AGPAT3: variants seen among roughly 807,000 people sequenced by gnomAD.
The protein encoded by AGPAT3 is 1-acyl-sn-glycerol-3-phosphate acyltransferase gamma.
AGPAT3 carries 5 observed loss-of-function variants against 47.3 expected under a neutral mutation model. That is an observed-to-expected ratio of 0.11 (90% CI 0.06 to 0.22). The LOEUF is 0.22. Among genes scored for constraint, AGPAT3 ranks in the 10% least tolerant of loss-of-function variants. AGPAT3 has a pLI of 1.00. For missense variants in AGPAT3, 315 were observed against 493.0 expected (o/e 0.64, Z 3.42); for synonymous variants, 212 against 208.3 (o/e 1.02, Z -0.15).
intron 2 of AGPAT3, among the ~76,000 whole-genome samples, chr21:43,915,191 A>G (rs578151431): frequency 1.3e-5 from 2 of 151,638 alleles, no homozygotes; most frequent in African/African-American, 4.8e-5. Context: ...AGCTGGGATT[A>G]CAGGTGCGCG....
chr21:43,908,265 G>A lies in AGPAT3; in HGVS notation c.-49+4246G>A. On this transcript the variant is annotated intron_variant, in intron 2 of 9. Transcript: ENST00000291572. This position sits in a 1 kb window ranked among gnomAD's most constrained non-coding sequence, Gnocchi z 4.9. ...TATCCAGAGCTGGCAGCTTTGTTGGGGCTGGTCACTCCCCAGCCCTGAGGA... is the reference window on the plus strand; with the variant it reads ...TATCCAGAGCTGGCAGCTTTGTTGGAGCTGGTCACTCCCCAGCCCTGAGGA... Among the ~76,000 whole-genome samples the A allele has an allele frequency of 6.6e-6, 1 of 152,104 alleles. No homozygotes were observed. Among genetic ancestry groups the A allele is most frequent in the East Asian group, 1.9e-4 (1 of 5,192 alleles).
intron 2 of AGPAT3, among the ~76,000 whole-genome samples, chr21:43,910,069 C>G (rs185885953): frequency 2.8e-4 from 43 of 152,324 alleles, no homozygotes; most frequent in African/African-American, 9.9e-4. Context: ...CACAGCGTGA[C>G]CCGTGGCTGG....
chr21:43,893,748 C>T (rs928697687), intron 1 of AGPAT3, among the ~76,000 whole-genome samples: 3 of 152,196 alleles, frequency 2.0e-5, no homozygotes, highest in African/African-American at 7.2e-5. Flanking sequence ...TGGGAAGAGC[C>T]GCTCGGCCGA....
At chr21:43,891,871 G>C (rs1015698498) in intron 1 of AGPAT3, among the ~76,000 whole-genome samples, 1 of 152,026 alleles carries the variant, frequency 6.6e-6, no homozygotes, top group South Asian at 2.1e-4. Flanking sequence ...TGAATCATGC[G>C]TCTTCTTAAT....
intron 8 of AGPAT3, among the ~76,000 whole-genome samples, chr21:43,979,784 C>T (rs761102369): frequency 4.6e-5 from 7 of 152,162 alleles, no homozygotes; most frequent in Non-Finnish European, 8.8e-5. Context: ...GGGGACATTC[C>T]GGAGGCAGGG....
rs1022065196 is a variant in AGPAT3, at chr21:43,986,054, A to T, written c.*3662A>T. On this transcript the variant is annotated 3_prime_UTR_variant, in exon 10 of 10. Coordinates refer to ENST00000291572, the MANE Select transcript of AGPAT3 (RefSeq NM_020132.5). Reference sequence around the variant, plus strand: ...CCTGACTCCGCCCTGGCTCTGCCCCATACCCCTGCCGTGGGGCCGACCTGG... The same window carrying T: ...CCTGACTCCGCCCTGGCTCTGCCCCTTACCCCTGCCGTGGGGCCGACCTGG... 1 of 152,248 alleles carries T rather than the reference A, an allele frequency of 6.6e-6. No individual in the cohort carries two copies. The highest frequency in any genetic ancestry group is 6.5e-5 in the Admixed American group (1 of 15,280). 9.4% of individuals were successfully genotyped at this position (152,248 alleles called of 1,614,324 possible).
intron 1 of AGPAT3, among the ~76,000 whole-genome samples, chr21:43,872,766 C>G (rs1275897529): frequency 6.6e-6 from 1 of 152,212 alleles, no homozygotes; most frequent in East Asian, 1.9e-4. Context: ...TTGTCCTGTT[C>G]CTGATTTTAG....
At chr21:43,968,395 G>C (rs1237905261) in intron 4 of AGPAT3, among the ~76,000 whole-genome samples, 1 of 151,564 alleles carries the variant, frequency 6.6e-6, no homozygotes, top group African/African-American at 2.4e-5. Context: ...AAGGGTCCTG[G>C]GGAGGATCTG....
intron 2 of AGPAT3, among the ~76,000 whole-genome samples, chr21:43,951,986 G>A (rs2088215747): frequency 6.6e-6 from 1 of 152,188 alleles, no homozygotes; most frequent in African/African-American, 2.4e-5. Context: ...TGGAGGAAGA[G>A]GGTCACAGGG....
rs929102416 is a variant in AGPAT3 at position 43,952,031 on chromosome 21, C to T, written c.-48-7603C>T. Among the ~76,000 whole-genome samples, 3 of 152,014 alleles carry T rather than the reference C, an allele frequency of 2.0e-5. No homozygotes were observed. Among genetic ancestry groups the T allele is most frequent in the African/African-American group, 4.8e-5 (2 of 41,448 alleles). On this transcript the variant is annotated intron_variant, in intron 2 of 9. Coordinates refer to ENST00000291572, the MANE Select transcript of AGPAT3 (RefSeq NM_020132.5). This position sits in a 1 kb window ranked among gnomAD's most constrained non-coding sequence, Gnocchi z 5.6. The stretch of plus-strand genomic sequence containing the variant: ...GGGGAGGAGGGTCCACATGCTGCAG[C>T]GAAGGACCTGGGGCAGGCAGGGGGT...
At chr21:43,875,759 C>A (rs1241811873) in intron 1 of AGPAT3, among the ~76,000 whole-genome samples, 4 of 152,222 alleles carry the variant, frequency 2.6e-5, no homozygotes, top group African/African-American at 9.6e-5. Flanking sequence ...AGGTGCCCAC[C>A]ACCATGCCCG....
intron 2 of AGPAT3, among the ~76,000 whole-genome samples, chr21:43,911,283 G>C (rs764522951): frequency 1.1e-4 from 16 of 152,350 alleles, no homozygotes; most frequent in Non-Finnish European, 1.8e-4. Context: ...AGAACTGTCC[G>C]TGTGATAGTT....
intron 2 of AGPAT3, among the ~76,000 whole-genome samples, chr21:43,907,219 G>C (rs1194882833): frequency 6.6e-6 from 1 of 151,658 alleles, no homozygotes; most frequent in Admixed American, 6.6e-5. Context: ...TGTAGAGACC[G>C]GGTTTTGCCA....
chr21:43,926,532 G>A (rs990498893), intron 2 of AGPAT3, among the ~76,000 whole-genome samples: 2 of 152,110 alleles, frequency 1.3e-5, no homozygotes, highest in Non-Finnish European at 2.9e-5. Flanking sequence ...TGCACGAGAG[G>A]AGCCCCCAGC....
At chr21:43,871,670 T>G (rs942429949) in intron 1 of AGPAT3, among the ~76,000 whole-genome samples, 6 of 152,224 alleles carry the variant, frequency 3.9e-5, no homozygotes, top group African/African-American at 1.4e-4. Context: ...GCATATTTAT[T>G]GGTTATGTGT....
chr21:43,963,969 C>T (rs1327217428), intron 3 of AGPAT3, among the ~76,000 whole-genome samples: 1 of 151,966 alleles, frequency 6.6e-6, no homozygotes, highest in Non-Finnish European at 1.5e-5. Flanking sequence ...ATCTTCACTT[C>T]AATATTTTTT....
In AGPAT3 at chr21:43,920,969, C is replaced by A. The variant is rs535938430; in HGVS notation, c.-49+16950C>A. On this transcript the variant is annotated intron_variant, in intron 2 of 9. Transcript: ENST00000291572. This position sits in a 1 kb window ranked among gnomAD's most constrained non-coding sequence, Gnocchi z 6.1. ...TCTACTAAAAATACAAAAACTTAGC[C>A]GGGCGTGGTGGCGGGCACCTGTAGT... Among the ~76,000 whole-genome samples, 2 of 152,122 alleles carry A rather than the reference C, an allele frequency of 1.3e-5. No individual in the cohort carries two copies. The highest frequency in any genetic ancestry group is 2.4e-5 in the African/African-American group (1 of 41,428).
Position 43,971,417 on chromosome 21 carries a change from T to G in AGPAT3, c.694T>G (p.Phe232Val). 1 of 1,614,228 alleles carries G rather than the reference T, an allele frequency of 6.2e-7. No homozygotes were observed. Among genetic ancestry groups the G allele is most frequent in the Non-Finnish European group, 8.5e-7 (1 of 1,180,032 alleles). ...AGCTGTCTATGATGTAACCCTGAAC[T>G]TCAGAGGAAACAAGAACCCGTCCCT... The part of the protein sequence containing the change: ...VAAVYDVTLN[F>V]RGNKNPSLLG... Residue 232 changes from phenylalanine to valine, a missense_variant, in exon 7 of 10, where the codon TTC becomes GTC. Transcript: ENST00000291572.
intron 2 of AGPAT3, among the ~76,000 whole-genome samples, chr21:43,957,229 T>C (rs1043532388): frequency 1.8e-5 from 2 of 108,480 alleles, no homozygotes; most frequent in Admixed American, 1.0e-4. Flanking sequence ...CTCTGTGGAG[T>C]CGGGACAGGG....
Sources: gnomAD v4.1 joint callset for allele counts (sites outside exome capture counted in the v4.1 genomes callset) on GRCh38, gnomAD v4.1.1 for gene constraint, Gnocchi (gnomAD v3.1) non-coding constraint, MANE v1.5 for transcripts, NCBI Gene and HGNC (gene_info 2026-07-23, HGNC 2026-07-21) for gene names.